Variants in RIMS1 observed in about 807,000 individuals in gnomAD.
The protein encoded by RIMS1 is regulating synaptic membrane exocytosis 1.
In RIMS1, 83 loss-of-function variants were observed where a neutral mutation model predicts 214.1. That is an observed-to-expected ratio of 0.39 (90% CI 0.32 to 0.47). The LOEUF (loss-of-function observed/expected upper bound fraction) is 0.47, where lower values mean the gene tolerates loss of function less well. Ranked by LOEUF, RIMS1 falls within the 20% of genes least tolerant of loss-of-function variation. The probability of loss-of-function intolerance (pLI) is 0.99; values close to 1 mark genes in which losing one functional copy is unlikely to be tolerated. For synonymous variants in RIMS1, 793 were observed against 786.8 expected (o/e 1.01, Z -0.13); for missense variants, 2,050 against 2,161.8 (o/e 0.95, Z 1.03).
At chr6:72,178,655 A>G (rs763477196) in intron 4 of RIMS1, among the ~76,000 whole-genome samples, 1 of 152,238 alleles carries the variant, frequency 6.6e-6, no homozygotes, top group Admixed American at 6.5e-5. Flanking sequence ...AAACAGAGGT[A>G]CTGAGGATAT....
At chr6:72,244,387 T>TATTTTAG (rs1438518494) in intron 10 of RIMS1, among the ~76,000 whole-genome samples, 1 of 151,818 alleles carries the variant, frequency 6.6e-6, no homozygotes, top group Non-Finnish European at 1.5e-5. Flanking sequence ...TAAAAGTCAC[T>TATTTTAG]TTAACATATT....
intron 26 of RIMS1, among the ~76,000 whole-genome samples, chr6:72,301,744 A>G (rs896170243): frequency 2.0e-5 from 3 of 151,672 alleles, no homozygotes; most frequent in Non-Finnish European, 3.0e-5. Context: ...TGCTTAGGTT[A>G]TATACAAATA....
chr6:72,127,306 G>GC (rs903446286), intron 4 of RIMS1, among the ~76,000 whole-genome samples: 1 of 148,296 alleles, frequency 6.7e-6, no homozygotes, highest in Non-Finnish European at 1.5e-5. Context: ...ATGCTGTGAT[G>GC]TTTTTTTTTT....
At chr6:72,048,003 G>A (rs891790221) in intron 2 of RIMS1, among the ~76,000 whole-genome samples, 4 of 152,084 alleles carry the variant, frequency 2.6e-5, no homozygotes, top group South Asian at 2.1e-4. Context: ...AATTATTTGC[G>A]GAGTGCTTGG....
In RIMS1 at chr6:72,226,121, T is replaced by C. The variant is rs571563301; in HGVS notation, c.1679-7652T>C. ...TATTTTATAATCCTAAGGCACTAAG[T>C]TGTGTGCGCATGCATGTGTGTGTAT... On this transcript the variant is annotated intron_variant, in intron 6 of 33. Transcript: ENST00000521978. Among the ~76,000 whole-genome samples the C allele has an allele frequency of 6.9e-4, 105 of 151,956 alleles. 1 individual carries two copies. The highest frequency in any genetic ancestry group is 1.1e-3 in the Non-Finnish European group (75 of 67,944).
intron 4 of RIMS1, among the ~76,000 whole-genome samples, chr6:72,112,451 A>T (rs2153821209): frequency 6.6e-6 from 1 of 152,078 alleles, no homozygotes; most frequent in Admixed American, 6.6e-5. Context: ...GAAAGCAAAG[A>T]CCCCTACAAT....
intron 2 of RIMS1, among the ~76,000 whole-genome samples, chr6:72,004,265 A>C (rs1463270385): frequency 2.0e-5 from 3 of 151,664 alleles, no homozygotes; most frequent in Non-Finnish European, 2.9e-5. Flanking sequence ...AATCCAGTCT[A>C]TCATTGTTGG....
intron 28 of RIMS1, among the ~76,000 whole-genome samples, chr6:72,326,708 G>GC (rs1564082372): frequency 1.3e-5 from 2 of 151,678 alleles, no homozygotes; most frequent in Non-Finnish European, 2.9e-5. Context: ...AGAACAATGT[G>GC]CCCCCGACAA....
chr6:72,053,476 G>T (rs975668800), intron 2 of RIMS1, among the ~76,000 whole-genome samples: 1 of 152,042 alleles, frequency 6.6e-6, no homozygotes, highest in African/African-American at 2.4e-5. Context: ...ACACAGATTT[G>T]GATTGTTTTG....
intron 2 of RIMS1, among the ~76,000 whole-genome samples, chr6:72,095,025 C>A (rs139418980): frequency 0.014 from 2,051 of 151,390 alleles, 52 homozygotes; most frequent in African/African-American, 0.047. Context: ...GATCTCAGCT[C>A]ACTGCAAGCT....
chr6:72,043,154 G>GCACA (rs61574291), intron 2 of RIMS1, among the ~76,000 whole-genome samples: 3,687 of 148,192 alleles, frequency 0.025, 88 homozygotes, highest in African/African-American at 0.066. Context: ...GAACTTGCAT[G>GCACA]CACACACACA....
In RIMS1 at chr6:72,400,862, T is replaced by A; in HGVS notation, c.*148T>A. Reference sequence around the variant, plus strand: ...GTTTTTCAATAATATGTCCCAATTGTTATTTAAAACATGGCTTCATATGAC... The same window carrying A: ...GTTTTTCAATAATATGTCCCAATTGATATTTAAAACATGGCTTCATATGAC... On this transcript the variant is annotated 3_prime_UTR_variant, in exon 34 of 34. Coordinates refer to ENST00000521978, the MANE Select transcript of RIMS1 (RefSeq NM_014989.7). 2 of 628,616 alleles carry A rather than the reference T, an allele frequency of 3.2e-6. No individual in the cohort carries two copies. Among genetic ancestry groups the A allele is most frequent in the South Asian group, 4.5e-5 (2 of 44,298 alleles). The allele number at this position is 628,616 out of a possible 1,614,324, so 38.9% of individuals were successfully genotyped here.
At chr6:71,933,681 AT>A (rs1783722834) in intron 1 of RIMS1, among the ~76,000 whole-genome samples, 1 of 72,286 alleles carries the variant, frequency 1.4e-5, no homozygotes, top group African/African-American at 5.2e-5. Flanking sequence ...CTCTTCCTCA[AT>A]CACACACACA....
chr6:72,397,050 A>T (rs2098787874), intron 31 of RIMS1, among the ~76,000 whole-genome samples: 1 of 152,100 alleles, frequency 6.6e-6, no homozygotes, highest in Non-Finnish European at 1.5e-5. Flanking sequence ...AAAATTTGGA[A>T]ATTTATTTAA....
intron 2 of RIMS1, among the ~76,000 whole-genome samples, chr6:72,021,383 T>C (rs1454709035): frequency 1.3e-5 from 2 of 152,214 alleles, no homozygotes; most frequent in Admixed American, 6.5e-5. Flanking sequence ...TATTTGCCAG[T>C]GATATACTCA....
intron 6 of RIMS1, among the ~76,000 whole-genome samples, chr6:72,225,057 C>T (rs2059770725): frequency 6.6e-6 from 1 of 152,032 alleles, no homozygotes; most frequent in African/African-American, 2.4e-5. Context: ...TTTAATGTAT[C>T]TATAAATTAT....
chr6:72,106,283 A>G (rs1305722854), intron 4 of RIMS1, among the ~76,000 whole-genome samples: 1 of 152,176 alleles, frequency 6.6e-6, no homozygotes, highest in Non-Finnish European at 1.5e-5. Flanking sequence ...CTTAATTTTT[A>G]TAAAAATCAA....
chr6:72,145,154 C>T (rs2042577387), intron 4 of RIMS1, among the ~76,000 whole-genome samples: 1 of 152,128 alleles, frequency 6.6e-6, no homozygotes, highest in African/African-American at 2.4e-5. Flanking sequence ...TTCCCATAGG[C>T]TTTTTAAAAT....
chr6:72,145,093 T>A (rs1447451585), intron 4 of RIMS1, among the ~76,000 whole-genome samples: 1 of 152,152 alleles, frequency 6.6e-6, no homozygotes, highest in Non-Finnish European at 1.5e-5. Context: ...TAAACTTTAG[T>A]CTTATACTTG....
Sources: gnomAD v4.1 joint callset for allele counts (sites outside exome capture counted in the v4.1 genomes callset) on GRCh38, gnomAD v4.1.1 for gene constraint, MANE v1.5 for transcripts, NCBI Gene and HGNC (gene_info 2026-07-23, HGNC 2026-07-21) for gene names.